Variants in PLCE1 observed in about 807,000 individuals in gnomAD.
PLCE1 encodes phospholipase C epsilon 1, also known as 1-phosphatidylinositol 4,5-bisphosphate phosphodiesterase epsilon-1.
PLCE1 carries 119 observed loss-of-function variants against 242.8 expected under a neutral mutation model. The ratio of observed to expected loss-of-function variants is 0.49; its 90% confidence interval spans 0.42 to 0.57. The LOEUF is 0.57. Among genes scored for constraint, PLCE1 ranks in the 20% least tolerant of loss-of-function variants. The pLI is 0.00. For synonymous variants in PLCE1, 945 were observed against 1,017.4 expected, an observed-to-expected ratio of 0.93 and a Z score of 1.35; for missense variants, 2,441 against 2,788.8, an observed-to-expected ratio of 0.88 and a Z score of 2.81.
intron 23 of PLCE1, among the ~76,000 whole-genome samples, chr10:94,294,816 A>G (rs2052754305): frequency 6.6e-6 from 1 of 152,014 alleles, no homozygotes; most frequent in Admixed American, 6.5e-5. Context: ...AGAAGGCAAC[A>G]GTGAAGTCTG....
chr10:94,175,162 A>G (rs1200310823), intron 4 of PLCE1, among the ~76,000 whole-genome samples: 2 of 152,186 alleles, frequency 1.3e-5, no homozygotes, highest in African/African-American at 4.8e-5. Flanking sequence ...CTTCTCACCC[A>G]GCTGCTTCTC....
intron 2 of PLCE1, among the ~76,000 whole-genome samples, chr10:94,126,937 G>A (rs1335158599): frequency 6.6e-6 from 1 of 152,160 alleles, no homozygotes; most frequent in African/African-American, 2.4e-5. Flanking sequence ...CTTTGAGTGT[G>A]ACAATGGATA....
intron 8 of PLCE1, 71 bp downstream of exon 8, chr10:94,246,692 A>T: frequency 7.1e-7 from 1 of 1,407,122 alleles, no homozygotes; most frequent in East Asian, 2.3e-5. Flanking sequence ...TGACCAGACC[A>T]CCAGGTTCAT....
Position 94,330,961 on chromosome 10 carries a change from T to C in PLCE1, c.*3018T>C, listed in dbSNP as rs77733996. 6.6e-6 allele frequency: 1 copy of C among 152,176 alleles called. No homozygotes were observed. The highest frequency in any genetic ancestry group is 1.5e-5 in the Non-Finnish European group (1 of 68,028). 9.4% of individuals were successfully genotyped at this position (152,176 alleles called of 1,614,324 possible). A position where few individuals can be genotyped will look rare whatever the true frequency, so the allele number is the denominator to read the frequency against. On this transcript the variant is annotated 3_prime_UTR_variant, in exon 33 of 33. Coordinates refer to ENST00000371380, the MANE Select transcript of PLCE1 (RefSeq NM_016341.4). ...AATCTAAATATGCAAGTTGGGGTCA[T>C]TACAAAATTTTAAGAAGCATCACTG...
chr10:94,034,640 A>G (rs1185772905), intron 2 of PLCE1, among the ~76,000 whole-genome samples: 1 of 152,170 alleles, frequency 6.6e-6, no homozygotes, highest in Non-Finnish European at 1.5e-5. Flanking sequence ...TGCTCACGGT[A>G]TCTCAGACTT....
chr10:94,183,126 A>G (rs2048362839), intron 4 of PLCE1, among the ~76,000 whole-genome samples: 1 of 152,188 alleles, frequency 6.6e-6, no homozygotes, highest in Non-Finnish European at 1.5e-5. Flanking sequence ...TGACCCTATT[A>G]GGATGTTTAA....
At chr10:94,088,248 T>G (rs1472421759) in intron 2 of PLCE1, 1 of 152,238 alleles carries the variant, frequency 6.6e-6, no homozygotes, top group Non-Finnish European at 1.5e-5. Flanking sequence ...ATGAAAGTGC[T>G]TACACATTGC....
intron 2 of PLCE1, chr10:94,106,943 T>TCC (rs1590037903): frequency 4.9e-5 from 6 of 122,540 alleles, no homozygotes; most frequent in African/African-American, 2.0e-4. Flanking sequence ...TCTCTCTCTC[T>TCC]CCCCCTCCCC....
intron 7 of PLCE1, among the ~76,000 whole-genome samples, chr10:94,245,220 ATTAC>A (rs2050636733): frequency 6.6e-6 from 1 of 152,192 alleles, no homozygotes; most frequent in Non-Finnish European, 1.5e-5. Context: ...CCTTGAACAA[ATTAC>A]TTTCCCTTTC....
At position 94,245,557 on chromosome 10, in the gene PLCE1, G is replaced by C. The variant is rs1564823510; in HGVS notation, c.2421-389G>C. Among the ~76,000 whole-genome samples the C allele has an allele frequency of 2.6e-5, 4 of 152,126 alleles. No individual in the cohort carries two copies. In the South Asian group the frequency reaches 8.3e-4, roughly 31 times the overall value. ...GCTGGAGTGCAGTGGCACGATCGCA[G>C]CTCACTGCAAGCTCCGCCTCCCGGG... is the stretch of plus-strand genomic sequence containing the variant. On this transcript the variant is annotated intron_variant, in intron 7 of 32. Transcript: ENST00000371380.
rs1293127531 is a variant in PLCE1 at position 94,298,709 on chromosome 10, A to G, written c.5458+40A>G. ...TGCTCACCTCGCTCCTTTGCATCTT[A>G]CATTTCAGTAAATGCAGTTTGACAG... is the stretch of plus-strand genomic sequence containing the variant. On this transcript the variant is annotated intron_variant, in intron 24 of 32. Coordinates refer to ENST00000371380, the MANE Select transcript of PLCE1 (RefSeq NM_016341.4). The surrounding 1 kb of genome is among the most constrained non-coding windows in gnomAD (Gnocchi z 5.2). 5 of 1,605,224 alleles carry G rather than the reference A, an allele frequency of 3.1e-6. No individual in the cohort carries two copies. The highest frequency in any genetic ancestry group is 4.3e-6 in the Non-Finnish European group (5 of 1,172,246).
chr10:94,133,040 C>T (rs1481463769), intron 3 of PLCE1, among the ~76,000 whole-genome samples: 5 of 149,404 alleles, frequency 3.3e-5, no homozygotes, highest in Non-Finnish European at 7.4e-5. Flanking sequence ...TTAAATGATT[C>T]AGGCAGGTAG....
chr10:94,306,379 CTTTT>C lies in PLCE1; in HGVS notation c.5623-45_5623-42del, dbSNP rs775087582. 182 of 1,613,962 alleles carry C rather than the reference CTTTT, an allele frequency of 1.1e-4. 1 individual carries two copies. The highest frequency in any genetic ancestry group is 3.3e-4 in the Middle Eastern group (2 of 6,058). On this transcript the variant is annotated intron_variant, in intron 25 of 32. Coordinates refer to ENST00000371380, the MANE Select transcript of PLCE1 (RefSeq NM_016341.4). This position sits in a 1 kb window ranked among gnomAD's most constrained non-coding sequence, Gnocchi z 5.7. ...GCAGTGAGGTGCAGAGGTTGTCTTT[CTTTT>C]TTATCCTCGGTGACTTTGATCCCTT... is the stretch of plus-strand genomic sequence containing the variant.
intron 4 of PLCE1, among the ~76,000 whole-genome samples, chr10:94,201,564 C>T (rs2048986515): frequency 6.6e-6 from 1 of 152,218 alleles, no homozygotes; most frequent in Non-Finnish European, 1.5e-5. Flanking sequence ...CAAGCTCCGC[C>T]TCCTGGGTTC....
intron 29 of PLCE1, among the ~76,000 whole-genome samples, chr10:94,320,457 A>G (rs1186130358): frequency 2.0e-5 from 3 of 152,232 alleles, no homozygotes; most frequent in Non-Finnish European, 4.4e-5. Flanking sequence ...CCCTGGTTGC[A>G]GTTTTGGCGC....
At position 94,331,588 on chromosome 10, in the gene PLCE1, C is replaced by A. The variant is rs1268077564; in HGVS notation, c.*3645C>A. ...GTGCTCTCATGGTGAAAGTCTCTGA[C>A]CCCTTTTCAGTTGCTTATATATCAG... is the stretch of plus-strand genomic sequence containing the variant. On this transcript the variant is annotated 3_prime_UTR_variant, in exon 33 of 33. Transcript: ENST00000371380. The A allele has an allele frequency of 6.6e-6, 1 of 152,186 alleles. No homozygotes were observed. 9.4% of individuals were successfully genotyped at this position (152,186 alleles called of 1,614,324 possible). A position where few individuals can be genotyped will look rare whatever the true frequency, so the allele number is the denominator to read the frequency against.
chr10:94,225,727 C>T (rs1444362273), intron 4 of PLCE1, among the ~76,000 whole-genome samples: 1 of 152,210 alleles, frequency 6.6e-6, no homozygotes, highest in African/African-American at 2.4e-5. Flanking sequence ...GAATTGTGAC[C>T]TTGAAAAGTC....
In PLCE1 at chr10:94,085,042, A is replaced by T. The variant is rs186665983; in HGVS notation, c.1207-47132A>T. Among the ~76,000 whole-genome samples, 13 of 152,342 alleles carry T rather than the reference A, an allele frequency of 8.5e-5. No homozygotes were observed. In the East Asian group the frequency reaches 2.5e-3, roughly 29 times the overall value. Reference sequence around the variant, plus strand: ...GCTGGCTCCTTCTCTGCCCCTAGTGAGTATGAAATTACAACAACAATAACA... The same window carrying T: ...GCTGGCTCCTTCTCTGCCCCTAGTGTGTATGAAATTACAACAACAATAACA... On this transcript the variant is annotated intron_variant, in intron 2 of 32. Coordinates refer to ENST00000371380, the MANE Select transcript of PLCE1 (RefSeq NM_016341.4).
intron 1 of PLCE1, among the ~76,000 whole-genome samples, chr10:94,010,816 A>G (rs568291182): frequency 2.0e-5 from 3 of 152,112 alleles, no homozygotes; most frequent in Non-Finnish European, 4.4e-5. Context: ...CCTCATTTCC[A>G]TCTGAGACCT....
Sources: allele counts gnomAD v4.1 joint callset (sites outside exome capture counted in the v4.1 genomes callset), GRCh38; gene constraint gnomAD v4.1.1; non-coding constraint Gnocchi (gnomAD v3.1); transcripts MANE v1.5; gene names NCBI Gene and HGNC (gene_info 2026-07-23, HGNC 2026-07-21).